The following NHLRC2 variants were observed in gnomAD, a reference collection of about 807,000 sequenced individuals.
NHLRC2 encodes NHL repeat-containing protein 2.
A neutral mutation model predicts 68.1 loss-of-function variants in NHLRC2; 33 were observed. That is an observed-to-expected ratio of 0.48 (90% confidence interval 0.37 to 0.65). The LOEUF is 0.65. Ranked by LOEUF, NHLRC2 falls within the 30% of genes least tolerant of loss-of-function variation. NHLRC2 has a pLI of 0.00. For synonymous variants in NHLRC2, 311 were observed against 309.6 expected, an observed-to-expected ratio of 1.00 and a Z score of -0.05; for missense variants, 761 against 853.8, an observed-to-expected ratio of 0.89 and a Z score of 1.35.
intron 10 of NHLRC2, among the ~76,000 whole-genome samples, chr10:113,907,258 A>C (rs1022062706): frequency 1.3e-5 from 2 of 152,252 alleles, no homozygotes; most frequent in African/African-American, 4.8e-5. Flanking sequence ...AGAGACATCA[A>C]GAGGACTGAT....
At chr10:113,861,548 A>G (rs1375770430) in intron 2 of NHLRC2, among the ~76,000 whole-genome samples, 2 of 152,236 alleles carry the variant, frequency 1.3e-5, no homozygotes, top group Non-Finnish European at 1.5e-5. Context: ...CAAGAATTCT[A>G]TGACTGGCAA....
intron 5 of NHLRC2, among the ~76,000 whole-genome samples, chr10:113,889,995 G>A (rs547254588): frequency 4.9e-4 from 75 of 152,296 alleles, no homozygotes; most frequent in African/African-American, 1.8e-3. Flanking sequence ...CTCCATAAAC[G>A]TTTGTGCACA....
intron 10 of NHLRC2, among the ~76,000 whole-genome samples, chr10:113,906,144 T>C (rs570609816): frequency 6.6e-6 from 1 of 152,334 alleles, no homozygotes; most frequent in Non-Finnish European, 1.5e-5. Context: ...GAGCAGTCAC[T>C]GTTAGAGCAG....
At chr10:113,896,521 T>TGGGGGGA (rs1161541873) in intron 5 of NHLRC2, among the ~76,000 whole-genome samples, 1 of 54,154 alleles carries the variant, frequency 1.8e-5, no homozygotes, top group Non-Finnish European at 3.3e-5. Flanking sequence ...TGTTGTGGGG[T>TGGGGGGA]GGGGGGAGGG....
rs1034583804 is a variant in NHLRC2, at chr10:113,917,175, T to A, written c.*8639T>A. The A allele has an allele frequency of 3.3e-5, 5 of 152,194 alleles. No individual in the cohort carries two copies. Among genetic ancestry groups the A allele is most frequent in the African/African-American group, 1.2e-4 (5 of 41,458 alleles). 9.4% of individuals were successfully genotyped at this position (152,194 alleles called of 1,614,324 possible). ...TGTACATTTTTTTCGTGAAATAGAT[T>A]AAATATTTTCTCTCTAAAACCATGT... On this transcript the variant is annotated 3_prime_UTR_variant, in exon 11 of 11. Coordinates refer to ENST00000369301, the MANE Select transcript of NHLRC2 (RefSeq NM_198514.4).
chr10:113,901,566 T>G, intron 6 of NHLRC2, 100 bp from the exon 7 acceptor site: 2 of 762,032 alleles, frequency 2.6e-6, no homozygotes, highest in Non-Finnish European at 4.5e-6. Context: ...TTTAGGAGGC[T>G]TATCACTTTT....
intron 2 of NHLRC2, among the ~76,000 whole-genome samples, chr10:113,867,478 G>T (rs1323141483): frequency 6.6e-6 from 1 of 152,128 alleles, no homozygotes; most frequent in Non-Finnish European, 1.5e-5. Context: ...CAGCGATTTT[G>T]ATCCTTTCAT....
At chr10:113,860,554 A>T (rs1351383390) in intron 2 of NHLRC2, among the ~76,000 whole-genome samples, 1 of 152,204 alleles carries the variant, frequency 6.6e-6, no homozygotes, top group Non-Finnish European at 1.5e-5. Context: ...CAGCCCATTC[A>T]AAGGAAAAAA....
Position 113,879,609 on chromosome 10 carries a change from G to C in NHLRC2, c.823G>C (p.Glu275Gln), listed in dbSNP as rs1475785540. Residue 275 changes from glutamate to glutamine, a missense_variant, in exon 4 of 11, where the codon GAA (glutamate) becomes CAA (glutamine). By Grantham distance (29) the Glu-to-Gln change is conservative. Transcript: ENST00000369301. ...TGGAAGAAAAGATGGAATATTTTCA[G>C]AATCAACTTTTAATTCTCCACAGGG... Reference protein sequence around the residue: ...NPGRKDGIFSESTFNSPQGVA... With the variant: ...NPGRKDGIFSQSTFNSPQGVA... The C allele has an allele frequency of 1.9e-6, 3 of 1,600,776 alleles. No homozygotes were observed. The highest frequency in any genetic ancestry group is 3.4e-4 in the Middle Eastern group (2 of 5,940).
Position 113,904,850 on chromosome 10 carries a change from G to C in NHLRC2, c.1738G>C (p.Asp580His). ...CTTCAGATCTGAAAATGCTGTGGTA[G>C]ATGGCCCGTTCCTAGTAGAAAAACA... is the stretch of plus-strand genomic sequence containing the variant. Reference protein sequence around the residue: ...PIFRSENAVVDGPFLVEKQKT... With the variant: ...PIFRSENAVVHGPFLVEKQKT... Residue 580 changes from aspartate to histidine, a missense_variant, in exon 10 of 11, where the codon GAT becomes CAT. Coordinates refer to ENST00000369301, the MANE Select transcript of NHLRC2 (RefSeq NM_198514.4). 1 of 1,613,716 alleles carries C rather than the reference G, an allele frequency of 6.2e-7. No individual in the cohort carries two copies. Among genetic ancestry groups the C allele is most frequent in the South Asian group, 1.1e-5 (1 of 91,024 alleles).
At chr10:113,886,146 T>A (rs535462574) in intron 5 of NHLRC2, among the ~76,000 whole-genome samples, 6 of 152,146 alleles carry the variant, frequency 3.9e-5, no homozygotes, top group African/African-American at 1.4e-4. Context: ...ACAGCAGCAT[T>A]TAAAAAAGTA....
At chr10:113,898,338 A>C in intron 6 of NHLRC2, 129 bp downstream of exon 6, 1 of 539,586 alleles carries the variant, frequency 1.9e-6, no homozygotes, top group Non-Finnish European at 3.4e-6. Flanking sequence ...CACACAACGC[A>C]GATTCTCAGT....
chr10:113,886,437 C>T (rs1005646347), intron 5 of NHLRC2, among the ~76,000 whole-genome samples: 1 of 152,112 alleles, frequency 6.6e-6, no homozygotes, highest in Non-Finnish European at 1.5e-5. Flanking sequence ...CCAAAACAGT[C>T]TTGAGCAGAA....
intron 5 of NHLRC2, among the ~76,000 whole-genome samples, chr10:113,885,409 A>C (rs1846072577): frequency 6.6e-6 from 1 of 151,942 alleles, no homozygotes; most frequent in Non-Finnish European, 1.5e-5. Context: ...CAGTGCATCC[A>C]ACTAAAGGGA....
At chr10:113,862,678 A>G (rs999736953) in intron 2 of NHLRC2, among the ~76,000 whole-genome samples, 2 of 152,222 alleles carry the variant, frequency 1.3e-5, no homozygotes, top group African/African-American at 2.4e-5. Context: ...GTTGTCTTCA[A>G]GAGACTCACT....
In NHLRC2 at chr10:113,901,744, G is replaced by C; in HGVS notation, c.1218G>C (p.Lys406Asn). ...EENRNNAYPHKAGFAQPSGLS... is the reference protein window; with the variant it reads ...EENRNNAYPHNAGFAQPSGLS... ...ATCGAAACAATGCCTATCCTCACAAGGCAGGTTTTGCCCAACCTTCAGGCC... is the reference window on the plus strand; with the variant it reads ...ATCGAAACAATGCCTATCCTCACAACGCAGGTTTTGCCCAACCTTCAGGCC... Residue 406 changes from lysine to asparagine, a missense_variant, in exon 7 of 11, where the codon AAG becomes AAC. Physicochemically the swap from Lys to Asn is moderately conservative, Grantham distance 94. Coordinates refer to ENST00000369301, the MANE Select transcript of NHLRC2 (RefSeq NM_198514.4). 6.2e-7 allele frequency: 1 copy of C among 1,614,188 alleles called. No individual in the cohort carries two copies. Among genetic ancestry groups the C allele is most frequent in the Non-Finnish European group, 8.5e-7 (1 of 1,180,004 alleles).
At chr10:113,858,364 A>G (rs1234443015) in intron 1 of NHLRC2, among the ~76,000 whole-genome samples, 164 bp from the exon 2 acceptor site, 1 of 152,078 alleles carries the variant, frequency 6.6e-6, no homozygotes, top group Non-Finnish European at 1.5e-5. Context: ...TTCATAGTAA[A>G]CAACTATAAA....
intron 2 of NHLRC2, among the ~76,000 whole-genome samples, chr10:113,860,431 G>A (rs1466884956): frequency 6.6e-6 from 1 of 152,062 alleles, no homozygotes; most frequent in African/African-American, 2.4e-5. Context: ...ATATGCTTCT[G>A]AAAAGCAAAA....
In NHLRC2 at chr10:113,881,337, T is replaced by C. The variant is rs77211385; in HGVS notation, c.909+1642T>C. Among the ~76,000 whole-genome samples the C allele has an allele frequency of 1.9e-3, 292 of 151,936 alleles. 2 individuals are homozygous for C. Among genetic ancestry groups the C allele is most frequent in the African/African-American group, 6.8e-3 (282 of 41,524 alleles). On this transcript the variant is annotated intron_variant, in intron 4 of 10. Transcript: ENST00000369301. ...GCATTTAAGTATAATCACAACAAATTTAGGTTACCTGAAATTGTTTTATAT... is the reference window on the plus strand; with the variant it reads ...GCATTTAAGTATAATCACAACAAATCTAGGTTACCTGAAATTGTTTTATAT...
Sources: allele counts gnomAD v4.1 joint callset (sites outside exome capture counted in the v4.1 genomes callset), GRCh38; gene constraint gnomAD v4.1.1; transcripts MANE v1.5; gene names NCBI Gene and HGNC (gene_info 2026-07-23, HGNC 2026-07-21).